TULP3: variants seen among roughly 807,000 people sequenced by gnomAD.
TULP3 encodes the protein tubby-related protein 3.
In TULP3, 38 loss-of-function variants were observed where a neutral mutation model predicts 50.7. The ratio of observed to expected loss-of-function variants is 0.75; its 90% CI spans 0.58 to 0.98. The LOEUF (loss-of-function observed/expected upper bound fraction) is 0.98. TULP3 is among the 50% of genes least tolerant of loss of function. TULP3 has a pLI of 0.00. For synonymous variants in TULP3, 183 were observed against 196.6 expected, an observed-to-expected ratio of 0.93 and a Z score of 0.58; for missense variants, 550 against 568.0, an observed-to-expected ratio of 0.97 and a Z score of 0.32.
At chr12:2,936,270 A>C (rs900116541) in intron 8 of TULP3, among the ~76,000 whole-genome samples, 1 of 151,970 alleles carries the variant, frequency 6.6e-6, no homozygotes, top group African/African-American at 2.4e-5. Flanking sequence ...ACGCCATCTC[A>C]AAATAAAATA....
chr12:2,908,613 G>A (rs982792151), intron 1 of TULP3, among the ~76,000 whole-genome samples: 4 of 42,156 alleles, frequency 9.5e-5, no homozygotes, highest in Non-Finnish European at 1.3e-4. Flanking sequence ...TAGTAGAGAC[G>A]GTTTCACTAT....
chr12:2,901,799 TA>T (rs1311966008), intron 1 of TULP3, among the ~76,000 whole-genome samples: 2 of 152,218 alleles, frequency 1.3e-5, no homozygotes, highest in Non-Finnish European at 2.9e-5. Context: ...GCTTGCCTTC[TA>T]ATTTTCATAA....
intron 1 of TULP3, among the ~76,000 whole-genome samples, chr12:2,894,876 A>G (rs1371005221): frequency 3.3e-5 from 5 of 152,194 alleles, no homozygotes; most frequent in African/African-American, 4.8e-5. Flanking sequence ...CCTGGGCGAC[A>G]AGAGCAAAAC....
chr12:2,940,838 C>A lies in TULP3; in HGVS notation c.*1394C>A. On this transcript the variant is annotated 3_prime_UTR_variant, in exon 11 of 11. Transcript: ENST00000448120. ...TCTCAGGCATGTATCCCACCAAGTG[C>A]CTCCCTCACAGCCATGCCCAGAAGC... is the stretch of plus-strand genomic sequence containing the variant. 2.0e-6 allele frequency: 2 copies of A among 990,740 alleles called. No individual in the cohort carries two copies. The highest frequency in any genetic ancestry group is 1.5e-6 in the Non-Finnish European group (1 of 681,314). 61.4% of individuals were successfully genotyped at this position (990,740 alleles called of 1,614,324 possible). A position where few individuals can be genotyped will look rare whatever the true frequency, so the allele number is the denominator to read the frequency against.
intron 1 of TULP3, among the ~76,000 whole-genome samples, chr12:2,904,566 A>G (rs1383536760): frequency 1.3e-5 from 2 of 152,142 alleles, no homozygotes; most frequent in East Asian, 3.8e-4. Flanking sequence ...ATGGTGTTCT[A>G]TGGGCATTCT....
chr12:2,940,319 G>GT lies in TULP3; in HGVS notation c.*877dup, dbSNP rs2098203929. 2.3e-6 allele frequency: 3 copies of GT among 1,320,126 alleles called. No homozygotes were observed. Among genetic ancestry groups the GT allele is most frequent in the Non-Finnish European group, 2.9e-6 (3 of 1,026,062 alleles). 81.8% of individuals were successfully genotyped at this position (1,320,126 alleles called of 1,614,324 possible). On this transcript the variant is annotated 3_prime_UTR_variant, in exon 11 of 11. Transcript: ENST00000448120. Reference sequence around the variant, plus strand: ...ATGGCAGTATTGACCATTTAGTTTAGTTAAAAAAAAAAAAAAAAAGGTGGC... The same window carrying GT: ...ATGGCAGTATTGACCATTTAGTTTAGTTTAAAAAAAAAAAAAAAAAGGTGGC...
At chr12:2,926,271 G>C (rs935908367) in intron 4 of TULP3, among the ~76,000 whole-genome samples, 1 of 151,858 alleles carries the variant, frequency 6.6e-6, no homozygotes, top group Non-Finnish European at 1.5e-5. Context: ...AAGCCGAGGT[G>C]GGCGGATCGC....
At chr12:2,914,693 C>T (rs1591529389) in intron 2 of TULP3, among the ~76,000 whole-genome samples, 2 of 150,848 alleles carry the variant, frequency 1.3e-5, no homozygotes, top group East Asian at 2.0e-4. Context: ...AGTGTAGTGG[C>T]GCAATCTTGG....
chr12:2,920,957 T>C (rs2098191346), intron 3 of TULP3, 35 bp downstream of exon 3: 2 of 1,609,060 alleles, frequency 1.2e-6, no homozygotes, highest in Middle Eastern at 1.7e-4. Context: ...CCTAGTGGGG[T>C]ACAATTTTCA....
rs1291083050 is a variant in TULP3, at chr12:2,940,578, A to G, written c.*1134A>G. ...CAGGAGCTCTGTGAGCTCCACCGTCAGCACCATTCAGCTGCATCCCTTGTG... is the reference window on the plus strand; with the variant it reads ...CAGGAGCTCTGTGAGCTCCACCGTCGGCACCATTCAGCTGCATCCCTTGTG... On this transcript the variant is annotated 3_prime_UTR_variant, in exon 11 of 11. Transcript: ENST00000448120. 6.4e-7 allele frequency: 1 copy of G among 1,551,696 alleles called. No individual in the cohort carries two copies. Among genetic ancestry groups the G allele is most frequent in the Admixed American group, 2.0e-5 (1 of 50,992 alleles).
At chr12:2,891,910 AAAATC>A (rs1454616746) in intron 1 of TULP3, among the ~76,000 whole-genome samples, 12 of 152,150 alleles carry the variant, frequency 7.9e-5, no homozygotes, top group African/African-American at 1.7e-4. Flanking sequence ...AAAATAAAAT[AAAATC>A]AATCAGTCAA....
intron 4 of TULP3, among the ~76,000 whole-genome samples, chr12:2,926,100 G>A (rs951086281): frequency 6.6e-6 from 1 of 152,164 alleles, no homozygotes; most frequent in Admixed American, 6.5e-5. Flanking sequence ...ACAGATTCAC[G>A]GGAACTGAGT....
Position 2,941,045 on chromosome 12 carries a change from T to G in TULP3, c.*1601T>G, listed in dbSNP as rs2098204517. On this transcript the variant is annotated 3_prime_UTR_variant, in exon 11 of 11. Coordinates refer to ENST00000448120, the MANE Select transcript of TULP3 (RefSeq NM_003324.5). The stretch of plus-strand genomic sequence containing the variant: ...GTTTAAAGAGATATATAAACTAATT[T>G]CACATAATTTGTGTGTGCAGGTGAT... 3.6e-6 allele frequency: 1 copy of G among 277,254 alleles called. No homozygotes were observed. Among genetic ancestry groups the G allele is most frequent in the Non-Finnish European group, 6.7e-6 (1 of 149,908 alleles). The allele number at this position is 277,254 out of a possible 1,614,324, so 17.2% of individuals were successfully genotyped here. A position where few individuals can be genotyped will look rare whatever the true frequency, so the allele number is the denominator to read the frequency against.
In TULP3 at chr12:2,938,129, C is replaced by G. The variant is rs1456756568; in HGVS notation, c.1039C>G (p.Leu347Val). Reference protein sequence around the residue: ...YQPQNNHDSLLSRWQNRTMEN... With the variant: ...YQPQNNHDSLVSRWQNRTMEN... ...CTTTGGACAGAACCATGACAGTTTG[C>G]TCTCAAGGTGGCAGAACAGAACTAT... Residue 347 changes from leucine (L) to valine (V), a missense_variant, in exon 10 of 11, where the codon CTC becomes GTC. Leu to Val is a conservative substitution (Grantham distance 32). Coordinates refer to ENST00000448120, the MANE Select transcript of TULP3 (RefSeq NM_003324.5). The G allele has an allele frequency of 6.2e-7, 1 of 1,614,214 alleles. No homozygotes were observed. Among genetic ancestry groups the G allele is most frequent in the South Asian group, 1.1e-5 (1 of 91,086 alleles).
Position 2,909,559 on chromosome 12 carries a change from A to ATAATC in TULP3, c.72_73insTAATC (p.Gln25Ter), listed in dbSNP as rs1591526827. On this transcript the variant is annotated stop_gained and frameshift_variant, in exon 2 of 11. Coordinates refer to ENST00000448120, the MANE Select transcript of TULP3 (RefSeq NM_003324.5). LOFTEE classifies it high-confidence loss of function. The stretch of plus-strand genomic sequence containing the variant: ...TCCATGAAGAAATGATGAAGATGCG[A>ATAATC]CAGGCTAAGCTGGATTATCAGGTGA... The ATAATC allele has an allele frequency of 1.3e-6, 2 of 1,577,034 alleles. No individual in the cohort carries two copies. Among genetic ancestry groups the ATAATC allele is most frequent in the Non-Finnish European group, 1.7e-6 (2 of 1,169,614 alleles).
Position 2,933,449 on chromosome 12 carries a change from A to G in TULP3, c.728A>G (p.Lys243Arg). The change falls in exon 7 of 11, where the codon AAG becomes AGG. Residue 243 changes from lysine to arginine, a missense_variant. Physicochemically the swap from Lys to Arg is conservative, Grantham distance 26. Coordinates refer to ENST00000448120, the MANE Select transcript of TULP3 (RefSeq NM_003324.5). ...CTTCTTGCAGCTAGAAAGCGGAAAA[A>G]GAGCAAAACAGCCAACTACCTTATC... ...IFLLAARKRK[K>R]SKTANYLISI... 1 of 1,613,848 alleles carries G rather than the reference A, an allele frequency of 6.2e-7. No individual in the cohort carries two copies. Among genetic ancestry groups the G allele is most frequent in the Non-Finnish European group, 8.5e-7 (1 of 1,179,866 alleles).
chr12:2,922,157 A>G (rs2098192154), intron 3 of TULP3, 105 bp from the exon 4 acceptor site: 1 of 1,344,610 alleles, frequency 7.4e-7, no homozygotes, highest in Non-Finnish European at 1.0e-6. Context: ...GAGGGCAGAT[A>G]AAATGATTTG....
chr12:2,906,696 A>C (rs1393927308), intron 1 of TULP3, among the ~76,000 whole-genome samples: 4 of 149,394 alleles, frequency 2.7e-5, no homozygotes, highest in African/African-American at 9.8e-5. Context: ...TGGGTGGATC[A>C]CCTGAGGTCA....
intron 4 of TULP3, among the ~76,000 whole-genome samples, chr12:2,923,766 G>A (rs2098193123): frequency 6.6e-6 from 1 of 151,722 alleles, no homozygotes; most frequent in South Asian, 2.1e-4. Flanking sequence ...GAGTCCAAGG[G>A]TTCAAGACCA....
Sources: gnomAD v4.1 joint callset for allele counts (sites outside exome capture counted in the v4.1 genomes callset) on GRCh38, gnomAD v4.1.1 for gene constraint, MANE v1.5 for transcripts, NCBI Gene and HGNC (gene_info 2026-07-23, HGNC 2026-07-21) for gene names.